Variants in ALPL observed in about 807,000 individuals in gnomAD.
The protein encoded by ALPL is alkaline phosphatase, biomineralization associated.
Under a neutral mutation model 51.3 loss-of-function variants are expected in ALPL, and 42 were observed. The observed-to-expected ratio is 0.82, with a 90% confidence interval of 0.64 to 1.06. The LOEUF is 1.06. Among genes scored for constraint, ALPL ranks in the 50% least tolerant of loss-of-function variants. The probability of loss-of-function intolerance (pLI) is 0.00; values close to 1 mark genes in which losing one functional copy is unlikely to be tolerated. For missense variants in ALPL, 589 were observed against 709.4 expected (o/e 0.83, Z 1.93); for synonymous variants, 279 against 296.4 (o/e 0.94, Z 0.60).
chr1:21,511,419 T>A (rs1485194114), intron 1 of ALPL, among the ~76,000 whole-genome samples: 2 of 152,206 alleles, frequency 1.3e-5, no homozygotes, highest in Admixed American at 1.3e-4. Flanking sequence ...GGTCTAGATA[T>A]GATGAATGCT....
chr1:21,552,242 G>A (rs1371570163), intron 1 of ALPL, among the ~76,000 whole-genome samples: 1 of 149,606 alleles, frequency 6.7e-6, no homozygotes, highest in Non-Finnish European at 1.5e-5. Context: ...CCAGCACTTT[G>A]GGAGGCCAAG....
chr1:21,519,651 G>C (rs1643864148), intron 1 of ALPL, among the ~76,000 whole-genome samples: 1 of 152,210 alleles, frequency 6.6e-6, no homozygotes, highest in Admixed American at 6.5e-5. Flanking sequence ...ACAAAAACTA[G>C]CTGGGCGTGG....
chr1:21,510,429 A>G (rs564435868), intron 1 of ALPL, among the ~76,000 whole-genome samples: 1 of 152,296 alleles, frequency 6.6e-6, no homozygotes, highest in African/African-American at 2.4e-5. Context: ...GGGCCCTGGG[A>G]AAAAGTCAGA....
rs373417343 is a variant in ALPL, at chr1:21,577,492, C to T, written c.1419C>T (p.Gly473=). ...SKGPMAHLLH[G]VHEQNYVPHV... Reference sequence around the variant, plus strand: ...GCCCCATGGCGCACCTGCTGCACGGCGTCCACGAGCAGAACTACGTCCCCC... The same window carrying T: ...GCCCCATGGCGCACCTGCTGCACGGTGTCCACGAGCAGAACTACGTCCCCC... Residue 473 remains glycine, a synonymous_variant, in exon 12 of 12, where the codon GGC becomes GGT. Coordinates refer to ENST00000374840, the MANE Select transcript of ALPL (RefSeq NM_000478.6). 89 of 1,609,316 alleles carry T rather than the reference C, an allele frequency of 5.5e-5. No homozygotes were observed. The South Asian group carries it at 8.7e-4, about 16-fold the overall frequency.
intron 1 of ALPL, among the ~76,000 whole-genome samples, chr1:21,549,997 AACTC>A (rs1205506527): frequency 6.6e-6 from 1 of 152,206 alleles, no homozygotes; most frequent in East Asian, 1.9e-4. Context: ...ATGACTGGGC[AACTC>A]CATGTGGTAT....
intron 6 of ALPL, among the ~76,000 whole-genome samples, chr1:21,565,739 C>T (rs557450433): frequency 2.0e-5 from 3 of 151,744 alleles, no homozygotes; most frequent in South Asian, 2.1e-4. Flanking sequence ...CCTGCCTCTC[C>T]GTCACCACCC....
rs1490494262 is a variant in ALPL, at chr1:21,560,523, T to C, written c.62-103T>C. On this transcript the variant is annotated intron_variant, in intron 2 of 11. Coordinates refer to ENST00000374840, the MANE Select transcript of ALPL (RefSeq NM_000478.6). ...GGCAACTATTGCACCCACCTCCAAG[T>C]TCAGGCATTCCAGCCTGAGCAATCA... 3.4e-6 allele frequency: 5 copies of C among 1,483,068 alleles called. No homozygotes were observed. The East Asian group carries it at 1.1e-4, about 34-fold the overall frequency. 91.9% of individuals were successfully genotyped at this position (1,483,068 alleles called of 1,614,324 possible).
At chr1:21,553,930 C>G (rs1265310337) in intron 1 of ALPL, 48 bp from the exon 2 acceptor site, 1 of 715,294 alleles carries the variant, frequency 1.4e-6, no homozygotes, top group Admixed American at 2.0e-5. Context: ...AAAAGGATCT[C>G]TAGAGCTGTG....
chr1:21,557,148 G>A (rs1644424397), intron 2 of ALPL, among the ~76,000 whole-genome samples: 1 of 152,100 alleles, frequency 6.6e-6, no homozygotes, highest in Non-Finnish European at 1.5e-5. Flanking sequence ...AGCTGGAGAA[G>A]AGAGCCTTCC....
intron 1 of ALPL, among the ~76,000 whole-genome samples, chr1:21,520,776 C>T (rs1357064326): frequency 6.6e-6 from 1 of 152,144 alleles, no homozygotes; most frequent in East Asian, 1.9e-4. Flanking sequence ...CATGAACTCA[C>T]CGAACCATCA....
Position 21,573,764 on chromosome 1 carries a change from GGAA to G in ALPL, c.966_968del (p.Lys322del), listed in dbSNP as rs1203446443. 6.2e-7 allele frequency: 1 copy of G among 1,614,118 alleles called. No individual in the cohort carries two copies. Among genetic ancestry groups the G allele is most frequent in the East Asian group, 2.2e-5 (1 of 44,866 alleles). ...GTGGTGGTGGCCATCCAGATCCTGC[GGAA>G]GAACCCCAAAGGCTTCTTCTTGCTG... On this transcript the variant is annotated inframe_deletion, in exon 9 of 12. Transcript: ENST00000374840.
chr1:21,547,605 G>A (rs962636598), intron 1 of ALPL, among the ~76,000 whole-genome samples: 2 of 152,174 alleles, frequency 1.3e-5, no homozygotes, highest in African/African-American at 2.4e-5. Flanking sequence ...ATTTGTTCTC[G>A]TGAGATGGAG....
Position 21,564,171 on chromosome 1 carries a change from T to A in ALPL, c.603T>A (p.Cys201Ter). 1.2e-6 allele frequency: 2 copies of A among 1,613,954 alleles called. No homozygotes were observed. Among genetic ancestry groups the A allele is most frequent in the African/African-American group, 2.7e-5 (2 of 75,006 alleles). ...CCCCTGAGGCCTTGAGCCAGGGCTG[T>A]AAGGACATCGCCTACCAGCTCATGC... ...EMPPEALSQG[C>*]KDIAYQLMHN... The change falls in exon 6 of 12, where the codon TGT becomes TGA. Residue 201 changes from cysteine (C) to a stop codon, truncating the protein, a stop_gained. Coordinates refer to ENST00000374840, the MANE Select transcript of ALPL (RefSeq NM_000478.6). LOFTEE classifies it high-confidence loss of function. This position sits in a 1 kb window ranked among gnomAD's most constrained non-coding sequence, Gnocchi z 5.8.
At chr1:21,561,355 C>A in intron 4 of ALPL, 143 bp downstream of exon 4, 1 of 730,206 alleles carries the variant, frequency 1.4e-6, no homozygotes, top group East Asian at 2.7e-5. Flanking sequence ...GCAGCCACTG[C>A]CCTGACTTCT....
intron 2 of ALPL, among the ~76,000 whole-genome samples, chr1:21,558,516 T>C (rs1478797236): frequency 1.3e-5 from 2 of 152,220 alleles, no homozygotes; most frequent in Admixed American, 6.5e-5. Context: ...TCTCATGTCA[T>C]CCTAGAACTG....
At chr1:21,531,800 G>A (rs1450604070) in intron 1 of ALPL, among the ~76,000 whole-genome samples, 2 of 152,158 alleles carry the variant, frequency 1.3e-5, no homozygotes, top group Non-Finnish European at 2.9e-5. Flanking sequence ...GGAACAGAGA[G>A]GCAAGAGGAG....
rs77449577 is a variant in ALPL at position 21,548,411 on chromosome 1, G to A, written c.-104-5567G>A. Among the ~76,000 whole-genome samples, 1,457 of 152,344 alleles carry A rather than the reference G, an allele frequency of 9.6e-3. 26 individuals carry two copies. The highest frequency in any genetic ancestry group is 0.033 in the African/African-American group (1,375 of 41,582). ...AGCCTATCTCAATGCCTATCCCTGG[G>A]GCCAAAATTCAGAGCATCCCAGCCT... is the stretch of plus-strand genomic sequence containing the variant. On this transcript the variant is annotated intron_variant, in intron 1 of 11. Coordinates refer to ENST00000374840, the MANE Select transcript of ALPL (RefSeq NM_000478.6).
intron 1 of ALPL, among the ~76,000 whole-genome samples, chr1:21,524,776 G>T (rs1643919701): frequency 6.6e-6 from 1 of 152,210 alleles, no homozygotes; most frequent in South Asian, 2.1e-4. Context: ...CACTTGCTGG[G>T]AGGCTCCGAG....
intron 1 of ALPL, among the ~76,000 whole-genome samples, chr1:21,513,581 T>C (rs1163954269): frequency 3.3e-5 from 5 of 152,112 alleles, no homozygotes; most frequent in African/African-American, 1.2e-4. Context: ...TCCCTAAGAC[T>C]TGGAATGGGT....
Sources: allele counts gnomAD v4.1 joint callset (sites outside exome capture counted in the v4.1 genomes callset), GRCh38; gene constraint gnomAD v4.1.1; non-coding constraint Gnocchi (gnomAD v3.1); transcripts MANE v1.5; gene names NCBI Gene and HGNC (gene_info 2026-07-23, HGNC 2026-07-21).